Variants in LUZP2 observed in about 807,000 individuals in gnomAD.
LUZP2 encodes the protein leucine zipper protein 2.
A neutral mutation model predicts 51.6 loss-of-function variants in LUZP2; 52 were observed. That is an observed-to-expected ratio of 1.01 (90% CI 0.81 to 1.27). The LOEUF (loss-of-function observed/expected upper bound fraction) is 1.27, where lower values mean the gene tolerates loss of function less well. LUZP2 is among the 50% of genes most tolerant of loss of function. The pLI is 0.00. For missense variants in LUZP2, 436 were observed against 395.4 expected, an observed-to-expected ratio of 1.10 and a Z score of -0.87; for synonymous variants, 154 against 137.3, an observed-to-expected ratio of 1.12 and a Z score of -0.85.
intron 6 of LUZP2, among the ~76,000 whole-genome samples, chr11:24,914,147 C>G (rs1005128710): frequency 6.6e-6 from 1 of 152,132 alleles, no homozygotes; most frequent in East Asian, 1.9e-4. Flanking sequence ...TGCATATGTA[C>G]AGATATAATT....
At chr11:24,512,345 T>TA (rs903036421) in intron 1 of LUZP2, among the ~76,000 whole-genome samples, 26 of 152,160 alleles carry the variant, frequency 1.7e-4, no homozygotes, top group African/African-American at 5.3e-4. Flanking sequence ...TTCATTTTTT[T>TA]ATAAATTGAG....
At chr11:24,555,235 A>T (rs1035826573) in intron 1 of LUZP2, among the ~76,000 whole-genome samples, 1 of 152,198 alleles carries the variant, frequency 6.6e-6, no homozygotes, top group African/African-American at 2.4e-5. Flanking sequence ...AGAAGATAGT[A>T]TGTAGAAGTG....
At chr11:24,504,209 A>C (rs1220703978) in intron 1 of LUZP2, among the ~76,000 whole-genome samples, 1 of 152,182 alleles carries the variant, frequency 6.6e-6, no homozygotes, top group Non-Finnish European at 1.5e-5. Flanking sequence ...TGCTGATATA[A>C]ATCTCACTTG....
intron 5 of LUZP2, among the ~76,000 whole-genome samples, chr11:24,808,007 T>TA (rs1849904766): frequency 6.6e-6 from 1 of 152,164 alleles, no homozygotes; most frequent in Non-Finnish European, 1.5e-5. Flanking sequence ...GTAGGAGACT[T>TA]ACATTCTGCA....
intron 9 of LUZP2, among the ~76,000 whole-genome samples, chr11:25,048,219 C>T (rs915871663): frequency 6.6e-6 from 1 of 152,098 alleles, no homozygotes; most frequent in East Asian, 1.9e-4. Context: ...CCCTATAGAC[C>T]AACAAGCCAA....
chr11:24,763,428 A>G (rs906901190), intron 5 of LUZP2, 120 bp downstream of exon 5: 2 of 404,094 alleles, frequency 4.9e-6, no homozygotes, highest in Non-Finnish European at 9.0e-6. Flanking sequence ...TTCAGTTATA[A>G]ACTAATGTAG....
intron 1 of LUZP2, among the ~76,000 whole-genome samples, chr11:24,659,630 C>T (rs1454648018): frequency 1.3e-5 from 2 of 151,562 alleles, no homozygotes; most frequent in Non-Finnish European, 2.9e-5. Context: ...ATTTTGGCAG[C>T]CCGTTCAAGC....
intron 5 of LUZP2, among the ~76,000 whole-genome samples, chr11:24,888,898 G>T (rs1183310861): frequency 2.6e-5 from 4 of 152,106 alleles, no homozygotes; most frequent in Non-Finnish European, 5.9e-5. Flanking sequence ...TGAAGAAGGT[G>T]CCTTGCTTCC....
intron 1 of LUZP2, among the ~76,000 whole-genome samples, chr11:24,629,942 T>C: frequency 6.6e-6 from 1 of 151,992 alleles, no homozygotes; most frequent in Non-Finnish European, 1.5e-5. Context: ...TCTCTGATGA[T>C]TAGTGATGTT....
intron 5 of LUZP2, among the ~76,000 whole-genome samples, chr11:24,833,030 A>G (rs1395893899): frequency 6.6e-6 from 1 of 152,180 alleles, no homozygotes; most frequent in East Asian, 1.9e-4. Context: ...TGACTTTAAA[A>G]TGATGTAAAA....
At chr11:24,595,208 G>A (rs915356376) in intron 1 of LUZP2, among the ~76,000 whole-genome samples, 2 of 147,790 alleles carry the variant, frequency 1.4e-5, no homozygotes, top group African/African-American at 5.0e-5. Context: ...GTAGGTCACA[G>A]TTTGCAAGCA....
At chr11:24,509,213 T>C (rs956503743) in intron 1 of LUZP2, among the ~76,000 whole-genome samples, 1 of 152,102 alleles carries the variant, frequency 6.6e-6, no homozygotes, top group Non-Finnish European at 1.5e-5. Context: ...AACTCAACAT[T>C]CACATTTGGT....
intron 1 of LUZP2, among the ~76,000 whole-genome samples, chr11:24,707,423 G>C (rs1857632399): frequency 6.6e-6 from 1 of 151,986 alleles, no homozygotes; most frequent in Non-Finnish European, 1.5e-5. Flanking sequence ...CTTAACAGTT[G>C]TCAAATGTTG....
chr11:25,028,904 T>C (rs1857571019), intron 9 of LUZP2, among the ~76,000 whole-genome samples: 1 of 152,138 alleles, frequency 6.6e-6, no homozygotes, highest in Non-Finnish European at 1.5e-5. Flanking sequence ...AACTATACTA[T>C]ATTAGGCAAA....
intron 1 of LUZP2, among the ~76,000 whole-genome samples, chr11:24,594,040 T>C (rs1257459568): frequency 6.6e-6 from 1 of 152,188 alleles, no homozygotes; most frequent in Non-Finnish European, 1.5e-5. Flanking sequence ...GGATAAGTGC[T>C]AAAAAATAAA....
intron 4 of LUZP2, among the ~76,000 whole-genome samples, chr11:24,745,294 G>A (rs1859337621): frequency 6.6e-6 from 1 of 152,100 alleles, no homozygotes; most frequent in Non-Finnish European, 1.5e-5. Flanking sequence ...TTCTAGTACT[G>A]TCAGTGGAGT....
At chr11:24,629,470 C>T (rs1378573505) in intron 1 of LUZP2, among the ~76,000 whole-genome samples, 3 of 146,946 alleles carry the variant, frequency 2.0e-5, no homozygotes, top group African/African-American at 7.5e-5. Flanking sequence ...ATACATTATA[C>T]ATTATATATA....
chr11:24,843,051 G>A (rs1266556388), intron 5 of LUZP2, among the ~76,000 whole-genome samples: 1 of 151,650 alleles, frequency 6.6e-6, no homozygotes, highest in African/African-American at 2.4e-5. Flanking sequence ...TGAAAAAGAG[G>A]ATGTAAGTGC....
chr11:24,529,803 T>C (rs1850938950), intron 1 of LUZP2, among the ~76,000 whole-genome samples: 1 of 150,966 alleles, frequency 6.6e-6, no homozygotes, highest in Non-Finnish European at 1.5e-5. Flanking sequence ...AAAAACTGTA[T>C]AAACAAAATC....
Sources: allele counts gnomAD v4.1 joint callset (sites outside exome capture counted in the v4.1 genomes callset), GRCh38; gene constraint gnomAD v4.1.1; transcripts MANE v1.5; gene names NCBI Gene and HGNC (gene_info 2026-07-23, HGNC 2026-07-21).